Variants in EPM2A observed in about 807,000 individuals in gnomAD.
EPM2A encodes the protein laforin.
Under a neutral mutation model 26.5 loss-of-function variants are expected in EPM2A, and 21 were observed. The observed-to-expected ratio is 0.79, with a 90% CI of 0.56 to 1.14. EPM2A has a LOEUF of 1.14. Ranked by LOEUF, EPM2A falls within the 50% of genes most tolerant of loss-of-function variation. The pLI is 0.00. For synonymous variants in EPM2A, 217 were observed against 177.6 expected, an observed-to-expected ratio of 1.22 and a Z score of -1.76; for missense variants, 458 against 440.8, an observed-to-expected ratio of 1.04 and a Z score of -0.35.
chr6:145,699,280 G>C (rs1448053993), intron 1 of EPM2A, among the ~76,000 whole-genome samples: 1 of 152,134 alleles, frequency 6.6e-6, no homozygotes, highest in African/African-American at 2.4e-5. Flanking sequence ...TTTTAAAACT[G>C]TATGTTAACT....
intron 1 of EPM2A, among the ~76,000 whole-genome samples, chr6:145,691,648 C>T (rs1020526832): frequency 2.2e-4 from 33 of 151,838 alleles, no homozygotes; most frequent in African/African-American, 6.8e-4. Context: ...GAAGGACAAA[C>T]GAATGAAAAA....
Position 145,635,628 on chromosome 6 carries a change from C to T in EPM2A, c.477-142G>A, listed in dbSNP as rs1582935878. 6.9e-5 allele frequency: 54 copies of T among 779,124 alleles called. 1 individual carries two copies. The East Asian group carries it at 1.4e-3, about 20-fold the overall frequency. 48.3% of individuals were successfully genotyped at this position (779,124 alleles called of 1,614,324 possible). A position where few individuals can be genotyped will look rare whatever the true frequency, so the allele number is the denominator to read the frequency against. On this transcript the variant is annotated intron_variant, in intron 2 of 3. Transcript: ENST00000367519. ...AGCTAGATATTTTAGAATATGAACA[C>T]CAATGTTATTATTGAAAGAAAAAGT...
downstream of EPM2A, among the ~76,000 whole-genome samples, chr6:145,496,728 A>ATTTTTTTTTTT (rs1554244200): frequency 4.9e-4 from 52 of 106,896 alleles, 4 homozygotes; most frequent in Non-Finnish European, 9.4e-4. Flanking sequence ...AGTTCCTGCA[A>ATTTTTTTTTTT]TTTTTTTTTT....
intron 4 of EPM2A, among the ~76,000 whole-genome samples, chr6:145,478,019 A>C (rs1465998409): frequency 6.6e-6 from 1 of 151,586 alleles, no homozygotes; most frequent in East Asian, 1.9e-4. Flanking sequence ...GTAAACTTAC[A>C]TTTGGAAAAA....
intron 2 of EPM2A, among the ~76,000 whole-genome samples, chr6:145,672,766 C>T (rs1373292223): frequency 3.3e-5 from 5 of 152,214 alleles, no homozygotes; most frequent in African/African-American, 1.2e-4. Flanking sequence ...CAGAGATCCC[C>T]TCAGCCAGCC....
intron 2 of EPM2A, among the ~76,000 whole-genome samples, chr6:145,667,879 T>C (rs1212668540): frequency 2.0e-5 from 3 of 150,398 alleles, no homozygotes; most frequent in Admixed American, 6.6e-5. Flanking sequence ...GTGGATGAAA[T>C]TGGAAATCAT....
rs541184605 is a variant in EPM2A, at chr6:145,511,920, G to A, written c.341-9345C>T. On this transcript the variant is annotated intron_variant, in intron 2 of 3. Coordinates refer to the EPM2A transcript ENST00000450221. Reference sequence around the variant, plus strand: ...ATTAGAAACTTCAGTAAAGTCTCAAGATACAAAATAAATGTGTAAAATCAG... The same window carrying A: ...ATTAGAAACTTCAGTAAAGTCTCAAAATACAAAATAAATGTGTAAAATCAG... Among the ~76,000 whole-genome samples the A allele has an allele frequency of 2.0e-5, 3 of 152,256 alleles. No individual in the cohort carries two copies. In the South Asian group the frequency reaches 6.2e-4, roughly 32 times the overall value.
At chr6:145,575,367 C>T (rs1462531309) in intron 2 of EPM2A, among the ~76,000 whole-genome samples, 2 of 152,162 alleles carry the variant, frequency 1.3e-5, no homozygotes, top group African/African-American at 4.8e-5. Context: ...ACAGTAGACA[C>T]CTGGCGAGGC....
rs796052427 is a variant in EPM2A at position 145,627,534 on chromosome 6, T to C, written c.878A>G (p.Gln293Arg). The C allele has an allele frequency of 6.2e-7, 1 of 1,614,228 alleles. No individual in the cohort carries two copies. The highest frequency in any genetic ancestry group is 8.5e-7 in the Non-Finnish European group (1 of 1,180,014). ...CGGCCTCTTGGCCATGAGGAAATAC[T>C]GCACCTTCCTCAGATTCCAGCCCAT... ...YVMGWNLRKV[Q>R]YFLMAKRPAV... Residue 293 changes from glutamine (Q) to arginine (R), a missense_variant, in exon 4 of 4, where the codon CAG becomes CGG. Transcript: ENST00000367519.
chr6:145,524,453 T>C (rs747450552), intron 2 of EPM2A, among the ~76,000 whole-genome samples: 4 of 152,102 alleles, frequency 2.6e-5, no homozygotes, highest in Admixed American at 6.6e-5. Flanking sequence ...TTTTTCACCT[T>C]TTTATGACAG....
intron 4 of EPM2A, among the ~76,000 whole-genome samples, chr6:145,493,642 G>A (rs1779782907): frequency 6.6e-6 from 1 of 152,240 alleles, no homozygotes; most frequent in East Asian, 1.9e-4. Flanking sequence ...TATGGCTCTT[G>A]TTATTTTGAG....
chr6:145,602,888 CT>C (rs1781433029), intron 2 of EPM2A, among the ~76,000 whole-genome samples: 1 of 152,188 alleles, frequency 6.6e-6, no homozygotes, highest in South Asian at 2.1e-4. Flanking sequence ...GAATACATTA[CT>C]TGAACCACCC....
chr6:145,559,223 T>C (rs1306881101), intron 2 of EPM2A, among the ~76,000 whole-genome samples: 3 of 152,082 alleles, frequency 2.0e-5, no homozygotes, highest in East Asian at 1.9e-4. Context: ...GTGGTTATGA[T>C]GGGAAATAGA....
At chr6:145,480,895 T>G (rs546499413) in intron 4 of EPM2A, among the ~76,000 whole-genome samples, 6 of 152,256 alleles carry the variant, frequency 3.9e-5, no homozygotes, top group African/African-American at 1.4e-4. Context: ...CCTTGTTTAT[T>G]TGGTGATCTT....
chr6:145,686,124 T>G lies in EPM2A; in HGVS notation c.474A>C (p.Ser158=). The change falls in exon 2 of 4, where the codon TCA becomes TCC. Residue 158 remains serine (S), a splice_region_variant and synonymous_variant. Transcript: ENST00000367519. ...TATAAATATAGCACTATTTTTACCTTGAATAATGCATGGCTTGGTGGCCTG... is the reference window on the plus strand; with the variant it reads ...TATAAATATAGCACTATTTTTACCTGGAATAATGCATGGCTTGGTGGCCTG... ...NIAGHQAMHY[S]RILPNIWLGS... The G allele has an allele frequency of 1.9e-6, 3 of 1,612,922 alleles. 1 individual carries two copies. The South Asian group carries it at 3.3e-5, about 18-fold the overall frequency.
intron 2 of EPM2A, among the ~76,000 whole-genome samples, chr6:145,544,497 G>T (rs1386952624): frequency 6.6e-6 from 1 of 152,220 alleles, no homozygotes; most frequent in Non-Finnish European, 1.5e-5. Flanking sequence ...TTGGTAAATT[G>T]TGTGGGGAGA....
intron 4 of EPM2A, among the ~76,000 whole-genome samples, chr6:145,390,341 A>T (rs184623114): frequency 6.6e-6 from 1 of 151,428 alleles, no homozygotes; most frequent in Non-Finnish European, 1.5e-5. Flanking sequence ...AAAAAAAAAC[A>T]CCTTCACAGA....
At chr6:145,615,562 G>A (rs777288728) in intron 2 of EPM2A, among the ~76,000 whole-genome samples, 15 of 152,024 alleles carry the variant, frequency 9.9e-5, no homozygotes, top group Admixed American at 7.9e-4. Context: ...TTTGGATCTG[G>A]GTAACAGGCA....
intron 1 of EPM2A, among the ~76,000 whole-genome samples, chr6:145,715,526 A>G: frequency 6.6e-6 from 1 of 152,222 alleles, no homozygotes; most frequent in Middle Eastern, 3.2e-3. Context: ...ACTTTAAATC[A>G]GGGGTCCCAA....
Sources: allele counts gnomAD v4.1 joint callset (sites outside exome capture counted in the v4.1 genomes callset), GRCh38; gene constraint gnomAD v4.1.1; transcripts MANE v1.5; gene names NCBI Gene and HGNC (gene_info 2026-07-23, HGNC 2026-07-21).